CYBRD1: variants seen among roughly 807,000 people sequenced by gnomAD.
CYBRD1 encodes plasma membrane ascorbate-dependent reductase CYBRD1.
CYBRD1 carries 14 observed loss-of-function variants against 21.9 expected under a neutral mutation model. The ratio of observed to expected loss-of-function variants is 0.64; its 90% CI spans 0.42 to 1.00. The LOEUF (loss-of-function observed/expected upper bound fraction) is 1.00. Ranked by LOEUF, CYBRD1 falls within the 50% of genes least tolerant of loss-of-function variation. The probability of loss-of-function intolerance (pLI) is 0.00; values close to 1 mark genes in which losing one functional copy is unlikely to be tolerated. For missense variants in CYBRD1, 328 were observed against 352.5 expected, an observed-to-expected ratio of 0.93 and a Z score of 0.56; for synonymous variants, 146 against 136.5, an observed-to-expected ratio of 1.07 and a Z score of -0.48.
intron 2 of CYBRD1, among the ~76,000 whole-genome samples, chr2:171,544,849 AC>A (rs1697686198): frequency 1.3e-5 from 2 of 152,094 alleles, no homozygotes; most frequent in Admixed American, 1.3e-4. Context: ...AAAATCTTTG[AC>A]TTTTGGGGCC....
At chr2:171,545,377 C>CTTTTTTTTTTT (rs201634120) in intron 2 of CYBRD1, among the ~76,000 whole-genome samples, 1 of 109,748 alleles carries the variant, frequency 9.1e-6, no homozygotes, top group African/African-American at 4.2e-5. Context: ...ATGAATATAC[C>CTTTTTTTTTTT]TTTTTTGTTT....
At chr2:171,545,138 CAAAAAAAAAAA>C (rs761208882) in intron 2 of CYBRD1, among the ~76,000 whole-genome samples, 2,121 of 68,830 alleles carry the variant, frequency 0.031, 29 homozygotes, top group Non-Finnish European at 0.046. Context: ...GACCCTGTCT[CAAAAAAAAAAA>C]AAAAAAAAGA....
chr2:171,552,703 T>C (rs188597571), intron 2 of CYBRD1, among the ~76,000 whole-genome samples: 147 of 152,334 alleles, frequency 9.6e-4, no homozygotes, highest in African/African-American at 3.4e-3. Context: ...AACCTTGCTG[T>C]CTTCTCTGCA....
intron 2 of CYBRD1, among the ~76,000 whole-genome samples, chr2:171,551,957 T>C (rs1050777785): frequency 1.3e-5 from 2 of 152,176 alleles, no homozygotes; most frequent in Non-Finnish European, 2.9e-5. Flanking sequence ...TTTTTTTTTC[T>C]TGCTTAACTC....
chr2:171,522,242 G>T (rs1008135440), upstream of CYBRD1: 4 of 1,549,876 alleles, frequency 2.6e-6, no homozygotes, highest in African/African-American at 4.1e-5. The surrounding 1 kb of genome is among the most constrained non-coding windows in gnomAD (Gnocchi z 4.3). Context: ...CAACTAACTA[G>T]GTCTGTTACT....
At chr2:171,529,693 A>C (rs1697435642) in intron 1 of CYBRD1, among the ~76,000 whole-genome samples, 1 of 152,162 alleles carries the variant, frequency 6.6e-6, no homozygotes, top group Non-Finnish European at 1.5e-5. Context: ...CATAGCCCTC[A>C]GTAAGCTATC....
intron 1 of CYBRD1, among the ~76,000 whole-genome samples, chr2:171,530,087 T>C (rs934806362): frequency 6.6e-6 from 1 of 152,068 alleles, no homozygotes; most frequent in Non-Finnish European, 1.5e-5. Flanking sequence ...AGGCAGAGAT[T>C]GGAGTGATGT....
At chr2:171,522,247 G>C (rs1226209118), upstream of CYBRD1, 1 of 1,549,916 alleles carries the variant, frequency 6.5e-7, no homozygotes, top group Admixed American at 2.0e-5. The surrounding 1 kb of genome is among the most constrained non-coding windows in gnomAD (Gnocchi z 4.3). Flanking sequence ...AACTAGGTCT[G>C]TTACTGAAGC....
Position 171,554,664 on chromosome 2 carries a change from C to A in CYBRD1, c.698C>A (p.Thr233Asn). ...QWKRPKEPNSTILHPNGGTEQ... is the reference protein window; with the variant it reads ...QWKRPKEPNSNILHPNGGTEQ... Reference sequence around the variant, plus strand: ...AAACGTCCTAAGGAGCCAAATTCTACCATTCTTCATCCAAATGGAGGCACT... The same window carrying A: ...AAACGTCCTAAGGAGCCAAATTCTAACATTCTTCATCCAAATGGAGGCACT... The change falls in exon 4 of 4, where the codon ACC becomes AAC. Residue 233 changes from threonine to asparagine, a missense_variant. Thr to Asn is a moderately conservative substitution (Grantham distance 65). Transcript: ENST00000321348. 1 of 1,614,058 alleles carries A rather than the reference C, an allele frequency of 6.2e-7. No individual in the cohort carries two copies. The highest frequency in any genetic ancestry group is 8.5e-7 in the Non-Finnish European group (1 of 1,179,982).
In CYBRD1 at chr2:171,556,713, G is replaced by C. The variant is rs1683494303; in HGVS notation, c.*1886G>C. ...AATTCTATTTCCAAAATTGGTAATA[G>C]AGCCAGAAGGATCCCCAGTACCCAG... On this transcript the variant is annotated 3_prime_UTR_variant, in exon 4 of 4. Coordinates refer to ENST00000321348, the MANE Select transcript of CYBRD1 (RefSeq NM_024843.4). 1 of 152,158 alleles carries C rather than the reference G, an allele frequency of 6.6e-6. No homozygotes were observed. The highest frequency in any genetic ancestry group is 2.1e-4 in the South Asian group (1 of 4,830). The allele number at this position is 152,158 out of a possible 1,614,324, so 9.4% of individuals were successfully genotyped here. A position where few individuals can be genotyped will look rare whatever the true frequency, so the allele number is the denominator to read the frequency against.
intron 1 of CYBRD1, among the ~76,000 whole-genome samples, chr2:171,531,671 A>T (rs1439614181): frequency 1.3e-5 from 2 of 152,104 alleles, no homozygotes; most frequent in African/African-American, 4.8e-5. Flanking sequence ...ATTGATCCTT[A>T]AATATTTAGA....
intron 2 of CYBRD1, among the ~76,000 whole-genome samples, chr2:171,543,451 A>G (rs1697666255): frequency 6.6e-6 from 1 of 152,014 alleles, no homozygotes; most frequent in Admixed American, 6.6e-5. Flanking sequence ...CTGGCTTGGA[A>G]ACTCTCTGAC....
At chr2:171,541,853 T>A in intron 2 of CYBRD1, 60 bp downstream of exon 2, 2 of 1,286,880 alleles carry the variant, frequency 1.6e-6, no homozygotes, top group Non-Finnish European at 2.2e-6. Flanking sequence ...CTGTAAATGT[T>A]TTCTTTTCTT....
intron 1 of CYBRD1, among the ~76,000 whole-genome samples, chr2:171,531,061 C>G (rs996335425): frequency 1.3e-5 from 2 of 148,520 alleles, no homozygotes; most frequent in Admixed American, 6.9e-5. Flanking sequence ...GAGGCTGAGG[C>G]TGGAAGATCA....
intron 1 of CYBRD1, among the ~76,000 whole-genome samples, chr2:171,535,933 C>T (rs1697538630): frequency 6.6e-6 from 1 of 152,056 alleles, no homozygotes; most frequent in Non-Finnish European, 1.5e-5. Flanking sequence ...AGCCGCTGTG[C>T]CTGGCCCCCA....
chr2:171,534,111 T>G (rs1697512967), intron 1 of CYBRD1, among the ~76,000 whole-genome samples: 1 of 152,236 alleles, frequency 6.6e-6, no homozygotes, highest in Admixed American at 6.5e-5. Context: ...TCCCTTTCTT[T>G]CTTTTTAAGT....
chr2:171,556,942 A>C lies in CYBRD1; in HGVS notation c.*2115A>C, dbSNP rs899108081. 4 of 152,594 alleles carry C rather than the reference A, an allele frequency of 2.6e-5. No individual in the cohort carries two copies. The highest frequency in any genetic ancestry group is 5.9e-5 in the Non-Finnish European group (4 of 68,030). The allele number at this position is 152,594 out of a possible 1,614,324, so 9.5% of individuals were successfully genotyped here. A position where few individuals can be genotyped will look rare whatever the true frequency, so the allele number is the denominator to read the frequency against. On this transcript the variant is annotated 3_prime_UTR_variant, in exon 4 of 4. Transcript: ENST00000321348. Reference sequence around the variant, plus strand: ...CTAAGCCGCCAGAATTGAGGTGGCCATTCCTTTTTGTATAGGCTAAGAAAC... The same window carrying C: ...CTAAGCCGCCAGAATTGAGGTGGCCCTTCCTTTTTGTATAGGCTAAGAAAC...
chr2:171,541,507 C>T (rs1356813366), intron 1 of CYBRD1, 78 bp from the exon 2 acceptor site: 1 of 1,378,470 alleles, frequency 7.3e-7, no homozygotes, highest in Admixed American at 1.7e-5. Context: ...AGGGAGTGTC[C>T]AGTGTGTCAA....
At chr2:171,536,685 T>A (rs1182953617) in intron 1 of CYBRD1, among the ~76,000 whole-genome samples, 1 of 152,238 alleles carries the variant, frequency 6.6e-6, no homozygotes, top group African/African-American at 2.4e-5. Context: ...TCTGCCTGCC[T>A]CAGCCTCCCA....
Sources: gnomAD v4.1 joint callset for allele counts (sites outside exome capture counted in the v4.1 genomes callset) on GRCh38, gnomAD v4.1.1 for gene constraint, Gnocchi (gnomAD v3.1) non-coding constraint, MANE v1.5 for transcripts, NCBI Gene and HGNC (gene_info 2026-07-23, HGNC 2026-07-21) for gene names.